The following CAMKMT variants were observed in gnomAD, a reference collection of about 807,000 sequenced individuals.
CAMKMT encodes the protein calmodulin-lysine N-methyltransferase, also known as CaM KMT.
CAMKMT carries 53 observed loss-of-function variants against 48.0 expected under a neutral mutation model. That is an observed-to-expected ratio of 1.10 (90% confidence interval 0.89 to 1.39). The LOEUF is 1.39. Ranked by LOEUF, CAMKMT falls within the 40% of genes most tolerant of loss-of-function variation. CAMKMT has a pLI of 0.00. For synonymous variants in CAMKMT, 165 were observed against 152.3 expected, an observed-to-expected ratio of 1.08 and a Z score of -0.61; for missense variants, 428 against 402.7, an observed-to-expected ratio of 1.06 and a Z score of -0.54.
intron 3 of CAMKMT, among the ~76,000 whole-genome samples, chr2:44,533,977 C>CAAG (rs1380442439): frequency 6.6e-6 from 1 of 152,108 alleles, no homozygotes; most frequent in Admixed American, 6.6e-5. Context: ...ATGCTGCCTA[C>CAAG]AAGAAACTCA....
intron 3 of CAMKMT, among the ~76,000 whole-genome samples, chr2:44,683,822 CAAAAAAA>C (rs10644183): frequency 1.4e-5 from 1 of 70,936 alleles, no homozygotes; most frequent in South Asian, 6.6e-4. Flanking sequence ...GACTCTGTCT[CAAAAAAA>C]AAAAAAAAAA....
chr2:44,440,640 C>G (rs1221156461), intron 3 of CAMKMT, among the ~76,000 whole-genome samples: 1 of 152,036 alleles, frequency 6.6e-6, no homozygotes, highest in Admixed American at 6.6e-5. Flanking sequence ...ATGCACATTT[C>G]AAGGGCTCAG....
intron 3 of CAMKMT, among the ~76,000 whole-genome samples, chr2:44,410,260 T>A (rs1266380872): frequency 2.4e-4 from 3 of 12,710 alleles, no homozygotes; most frequent in African/African-American, 5.7e-4. Flanking sequence ...TTTTTTTTTT[T>A]TTTTTTTTTT....
At position 44,390,264 on chromosome 2, in the gene CAMKMT, T is replaced by C. The variant is rs1681200325; in HGVS notation, c.335T>C (p.Val112Ala). The change falls in exon 3 of 11, where the codon GTT (valine) becomes GCT (alanine). Residue 112 changes from valine to alanine, a missense_variant. Coordinates refer to ENST00000378494, the MANE Select transcript of CAMKMT (RefSeq NM_024766.5). ...AGGCATAATAGTGGATCCTTGAATG[T>C]TGAAGATGTCCTTACCAGCTTTGAC... ...SLRHNSGSLNVEDVLTSFDNT... is the reference protein window; with the variant it reads ...SLRHNSGSLNAEDVLTSFDNT... 6.2e-7 allele frequency: 1 copy of C among 1,610,256 alleles called. No homozygotes were observed. The highest frequency in any genetic ancestry group is 8.5e-7 in the Non-Finnish European group (1 of 1,178,436).
intron 3 of CAMKMT, among the ~76,000 whole-genome samples, chr2:44,525,636 TG>T (rs796382388): frequency 2.0e-5 from 3 of 152,352 alleles, no homozygotes; most frequent in African/African-American, 7.2e-5. Flanking sequence ...GAGTATAAGC[TG>T]GTTTATACCA....
rs1038824661 is a variant in CAMKMT, at chr2:44,596,356, G to A, written c.377-107927G>A. ...CCCAGCTACTTGGGAGGCTGAGATG[G>A]GAGAATTGCTTAAACCCTGGAGGCG... On this transcript the variant is annotated intron_variant, in intron 3 of 10. Transcript: ENST00000378494. 3.3e-5 allele frequency among the ~76,000 whole-genome samples: 5 copies of A among 151,904 alleles called. No individual in the cohort carries two copies. In the East Asian group the frequency reaches 7.7e-4, roughly 24 times the overall value.
intron 3 of CAMKMT, among the ~76,000 whole-genome samples, chr2:44,598,690 G>A: frequency 3.4e-5 from 1 of 29,366 alleles, no homozygotes; most frequent in African/African-American, 1.3e-4. Context: ...GCAAGCTTAG[G>A]ACCTTTAAAA....
chr2:44,428,321 C>T (rs929500435), intron 3 of CAMKMT, among the ~76,000 whole-genome samples: 4 of 152,196 alleles, frequency 2.6e-5, no homozygotes, highest in African/African-American at 4.8e-5. Flanking sequence ...CCTCTTTGAC[C>T]ATAGTCTCTG....
chr2:44,533,263 A>C (rs1213722734), intron 3 of CAMKMT, among the ~76,000 whole-genome samples: 2 of 149,722 alleles, frequency 1.3e-5, no homozygotes, highest in East Asian at 4.0e-4. Flanking sequence ...TTTGAGACAG[A>C]GTTTCTCTTT....
intron 3 of CAMKMT, among the ~76,000 whole-genome samples, chr2:44,396,751 A>AG (rs1681881460): frequency 6.6e-6 from 1 of 151,638 alleles, no homozygotes; most frequent in African/African-American, 2.4e-5. Flanking sequence ...TAAAAAAAAA[A>AG]AAAAGAAAGA....
chr2:44,702,015 G>C (rs1257302820), intron 3 of CAMKMT, among the ~76,000 whole-genome samples: 2 of 151,956 alleles, frequency 1.3e-5, no homozygotes, highest in African/African-American at 2.4e-5. Flanking sequence ...TTAAAAATCA[G>C]CCTCTATAAT....
chr2:44,516,117 A>G (rs1183597480), intron 3 of CAMKMT, among the ~76,000 whole-genome samples: 1 of 152,180 alleles, frequency 6.6e-6, no homozygotes, highest in East Asian at 1.9e-4. Context: ...GATGGGCAAA[A>G]AAGAGCGCCT....
chr2:44,727,009 T>C (rs879626057), intron 7 of CAMKMT, among the ~76,000 whole-genome samples: 2 of 152,222 alleles, frequency 1.3e-5, no homozygotes, highest in Non-Finnish European at 2.9e-5. Context: ...CAAGCTGTTT[T>C]GGTGACTATG....
At chr2:44,521,817 T>G (rs1038100519) in intron 3 of CAMKMT, among the ~76,000 whole-genome samples, 2 of 152,052 alleles carry the variant, frequency 1.3e-5, no homozygotes, top group African/African-American at 4.8e-5. Flanking sequence ...GTTGTACCAT[T>G]GCTCTCCAGC....
chr2:44,706,170 A>G, intron 4 of CAMKMT, 117 bp from the exon 5 acceptor site: 1 of 938,008 alleles, frequency 1.1e-6, no homozygotes, highest in Non-Finnish European at 1.7e-6. Flanking sequence ...TGTCTCTACA[A>G]CTTCCTGGTA....
intron 3 of CAMKMT, among the ~76,000 whole-genome samples, chr2:44,497,542 T>G (rs1312760673): frequency 1.3e-5 from 2 of 152,158 alleles, no homozygotes; most frequent in African/African-American, 4.8e-5. Flanking sequence ...ATAGATGTAG[T>G]AAAGATACAC....
intron 3 of CAMKMT, among the ~76,000 whole-genome samples, chr2:44,562,914 C>G (rs4953100): frequency 0.56 from 84,394 of 152,022 alleles, 25,051 homozygotes; most frequent in Admixed American, 0.67. Context: ...CTCAAGAGGA[C>G]CTTACTCTCT....
At chr2:44,686,470 G>A (rs752408845) in intron 3 of CAMKMT, among the ~76,000 whole-genome samples, 26 of 151,826 alleles carry the variant, frequency 1.7e-4, no homozygotes, top group Non-Finnish European at 3.8e-4. Flanking sequence ...ATGAACCAAT[G>A]TCAGTTTCTT....
At chr2:44,573,443 C>A (rs1423882367) in intron 3 of CAMKMT, among the ~76,000 whole-genome samples, 1 of 151,788 alleles carries the variant, frequency 6.6e-6, no homozygotes, top group Non-Finnish European at 1.5e-5. Flanking sequence ...TGACTTTAAT[C>A]AGTGCTCATT....
Sources: allele counts gnomAD v4.1 joint callset (sites outside exome capture counted in the v4.1 genomes callset), GRCh38; gene constraint gnomAD v4.1.1; transcripts MANE v1.5; gene names NCBI Gene and HGNC (gene_info 2026-07-23, HGNC 2026-07-21).